The following XPO7 variants were observed in gnomAD, a reference collection of about 807,000 sequenced individuals.
XPO7 encodes the protein exportin 7, also known as exportin-7.
A neutral mutation model predicts 144.3 loss-of-function variants in XPO7; 21 were observed. The ratio of observed to expected loss-of-function variants is 0.15; its 90% CI spans 0.10 to 0.21. The LOEUF (loss-of-function observed/expected upper bound fraction) is 0.21. XPO7 is among the 10% of genes least tolerant of loss of function. XPO7 has a pLI of 1.00. For synonymous variants in XPO7, 580 were observed against 499.6 expected (o/e 1.16, Z -2.15); for missense variants, 808 against 1,325.8 (o/e 0.61, Z 6.06).
At chr8:21,994,342 C>T in intron 19 of XPO7, 21 bp from the exon 20 acceptor site, 1 of 1,600,720 alleles carries the variant, frequency 6.2e-7, no homozygotes, top group Non-Finnish European at 8.5e-7. Context: ...TATTTTAACA[C>T]ATTTTTGCCT....
At chr8:21,978,061 G>A (rs570436006) in intron 8 of XPO7, among the ~76,000 whole-genome samples, 1 of 144,408 alleles carries the variant, frequency 6.9e-6, no homozygotes, top group East Asian at 1.9e-4. Flanking sequence ...GCCAATTCCT[G>A]CAGATGGTCA....
At chr8:21,956,509 C>A (rs930247192) in intron 1 of XPO7, among the ~76,000 whole-genome samples, 8 of 152,110 alleles carry the variant, frequency 5.3e-5, no homozygotes, top group African/African-American at 1.9e-4. Context: ...AACTTCCTTT[C>A]CTTCACCATT....
At chr8:21,995,074 A>C (rs1007373723) in intron 20 of XPO7, among the ~76,000 whole-genome samples, 1 of 151,608 alleles carries the variant, frequency 6.6e-6, no homozygotes, top group African/African-American at 2.4e-5. Context: ...AAATAATAAT[A>C]ATAATAATAA....
intron 1 of XPO7, among the ~76,000 whole-genome samples, chr8:21,963,402 T>C (rs1003074733): frequency 6.6e-6 from 1 of 151,568 alleles, no homozygotes; most frequent in African/African-American, 2.4e-5. Flanking sequence ...GTGAGGCTAA[T>C]TTAAAAGTAT....
At chr8:21,974,852 C>T in intron 6 of XPO7, 78 bp downstream of exon 6, 1 of 1,158,024 alleles carries the variant, frequency 8.6e-7, no homozygotes, top group Non-Finnish European at 1.2e-6. Flanking sequence ...TAAATGTCAG[C>T]TTTTAACTGA....
intron 1 of XPO7, chr8:21,964,175 A>G (rs993333621): frequency 1.3e-5 from 2 of 152,196 alleles, no homozygotes; most frequent in Non-Finnish European, 2.9e-5. Context: ...TCCATGGATT[A>G]TAGGCAATTT....
chr8:22,000,575 C>A (rs1436655857), intron 24 of XPO7, among the ~76,000 whole-genome samples: 5 of 151,752 alleles, frequency 3.3e-5, no homozygotes, highest in Non-Finnish European at 7.4e-5. Context: ...GCCTCAGCCT[C>A]CCAAGTAGCT....
chr8:21,965,852 TG>T (rs1811865684), intron 1 of XPO7, among the ~76,000 whole-genome samples: 1 of 152,232 alleles, frequency 6.6e-6, no homozygotes, highest in African/African-American at 2.4e-5. Context: ...TTATTATTTT[TG>T]TTCTTGTCAG....
chr8:21,968,450 T>C (rs1811954246), intron 2 of XPO7, among the ~76,000 whole-genome samples: 1 of 152,206 alleles, frequency 6.6e-6, no homozygotes, highest in South Asian at 2.1e-4. Flanking sequence ...AAAGACTGTG[T>C]GGTGGTCTGT....
chr8:21,982,596 AC>A, intron 10 of XPO7, 43 bp from the exon 11 acceptor site: 1 of 1,535,314 alleles, frequency 6.5e-7, no homozygotes, highest in Non-Finnish European at 8.7e-7. Flanking sequence ...ACTAACACGT[AC>A]AGAAATGAAA....
chr8:21,946,765 T>A (rs2117280076), intron 1 of XPO7, among the ~76,000 whole-genome samples: 1 of 151,180 alleles, frequency 6.6e-6, no homozygotes, highest in Non-Finnish European at 1.5e-5. Context: ...ACAGGATAAA[T>A]TTTAAAACTC....
intron 4 of XPO7, among the ~76,000 whole-genome samples, chr8:21,971,257 A>C (rs568049311): frequency 8.7e-4 from 133 of 152,308 alleles, no homozygotes; most frequent in African/African-American, 3.1e-3. Context: ...GAAATCCTCT[A>C]ATAACACATT....
chr8:21,987,365 A>C, intron 14 of XPO7, 89 bp downstream of exon 14: 1 of 1,556,034 alleles, frequency 6.4e-7, no homozygotes, highest in Non-Finnish European at 8.8e-7. Context: ...TAGTTCACAT[A>C]ACCTCCAGAT....
rs1813293332 is a variant in XPO7 at position 22,005,349 on chromosome 8, C to T, written c.*261C>T. On this transcript the variant is annotated 3_prime_UTR_variant, in exon 28 of 28. Coordinates refer to ENST00000252512, the MANE Select transcript of XPO7 (RefSeq NM_015024.5). ...AAGAGATACAAACTGAGACTCCAGC[C>T]TCTCCTCCTGGGGCCACCCAAGTGG... The T allele has an allele frequency of 6.5e-6, 2 of 305,870 alleles. No individual in the cohort carries two copies. Among genetic ancestry groups the T allele is most frequent in the African/African-American group, 2.2e-5 (1 of 46,410 alleles). The allele number at this position is 305,870 out of a possible 1,614,324, so 18.9% of individuals were successfully genotyped here. A position where few individuals can be genotyped will look rare whatever the true frequency, so the allele number is the denominator to read the frequency against.
chr8:21,971,732 T>C, intron 4 of XPO7, 144 bp from the exon 5 acceptor site: 2 of 522,148 alleles, frequency 3.8e-6, no homozygotes, highest in Non-Finnish European at 6.5e-6. Context: ...AAAACAACAG[T>C]TTTAAACTAT....
At chr8:21,969,449 C>G in intron 2 of XPO7, 34 bp from the exon 3 acceptor site, 1 of 1,569,224 alleles carries the variant, frequency 6.4e-7, no homozygotes, top group Non-Finnish European at 8.7e-7. Context: ...TTACTCAATA[C>G]AATTTTAAGT....
chr8:21,960,676 G>C (rs1563322383), intron 1 of XPO7, among the ~76,000 whole-genome samples: 1 of 152,180 alleles, frequency 6.6e-6, no homozygotes, highest in South Asian at 2.1e-4. Context: ...CTGAAAATAA[G>C]TATTTTATCT....
chr8:21,987,366 A>T, intron 14 of XPO7, 90 bp downstream of exon 14: 1 of 1,551,330 alleles, frequency 6.4e-7, no homozygotes, highest in South Asian at 1.2e-5. Context: ...AGTTCACATA[A>T]CCTCCAGATT....
intron 15 of XPO7, 114 bp from the exon 16 acceptor site, chr8:21,988,889 G>T: frequency 2.5e-6 from 2 of 813,042 alleles, no homozygotes; most frequent in Non-Finnish European, 3.9e-6. Context: ...TCTGTGAATT[G>T]GTGGTGCAGA....
Sources: allele counts gnomAD v4.1 joint callset (sites outside exome capture counted in the v4.1 genomes callset), GRCh38; gene constraint gnomAD v4.1.1; transcripts MANE v1.5; gene names NCBI Gene and HGNC (gene_info 2026-07-23, HGNC 2026-07-21).